Variants in PHF2 observed in about 807,000 individuals in gnomAD.
PHF2 encodes PHD finger protein 2, also known as lysine-specific demethylase PHF2.
A neutral mutation model predicts 120.5 loss-of-function variants in PHF2; 27 were observed. The ratio of observed to expected loss-of-function variants is 0.22; its 90% CI spans 0.17 to 0.31. The LOEUF is 0.31. Among genes scored for constraint, PHF2 ranks in the 10% least tolerant of loss-of-function variants. The pLI is 1.00. For missense variants in PHF2, 1,024 were observed against 1,434.8 expected, an observed-to-expected ratio of 0.71 and a Z score of 4.63; for synonymous variants, 568 against 592.5, an observed-to-expected ratio of 0.96 and a Z score of 0.60.
chr9:93,669,202 C>A (rs1381703942), intron 17 of PHF2, among the ~76,000 whole-genome samples: 1 of 152,246 alleles, frequency 6.6e-6, no homozygotes, highest in Non-Finnish European at 1.5e-5. Context: ...ACCCCCCAGC[C>A]CCCCGTGGCT....
intron 1 of PHF2, among the ~76,000 whole-genome samples, chr9:93,619,722 C>G (rs1028557962): frequency 6.6e-6 from 1 of 152,222 alleles, no homozygotes; most frequent in African/African-American, 2.4e-5. Flanking sequence ...CCTGTTGCGG[C>G]CCCTGAAGTT....
chr9:93,660,235 C>T lies in PHF2; in HGVS notation c.1373C>T (p.Ser458Leu), dbSNP rs761783975. 1.9e-5 allele frequency: 30 copies of T among 1,596,630 alleles called. No homozygotes were observed. The highest frequency in any genetic ancestry group is 3.4e-4 in the Middle Eastern group (2 of 5,960). Reference sequence around the variant, plus strand: ...CGACCGGAAGTGAATACTGTCGCCTCGTCAGATGAGGTGTGTGACGGGGAC... The same window carrying T: ...CGACCGGAAGTGAATACTGTCGCCTTGTCAGATGAGGTGTGTGACGGGGAC... ...AVRPEVNTVA[S>L]SDEVCDGDRE... The change falls in exon 12 of 22, where the codon TCG (serine) becomes TTG (leucine). Residue 458 changes from serine (S) to leucine (L), a missense_variant. By Grantham distance (145) the Ser-to-Leu change is moderately radical. Around this residue, in one of 2 missense-constraint regions of PHF2, gnomAD observed 677 missense variants for 857.4 expected, o/e 0.79. Transcript: ENST00000359246.
intron 5 of PHF2, 49 bp from the exon 6 acceptor site, chr9:93,653,130 A>G (rs3750353): frequency 0.015 from 22,993 of 1,560,284 alleles, 560 homozygotes; most frequent in East Asian, 0.11. Flanking sequence ...CAGGGGAAAT[A>G]AAAAAGGGAG....
intron 18 of PHF2, among the ~76,000 whole-genome samples, chr9:93,674,333 TC>T (rs1253814241): frequency 4.0e-5 from 6 of 151,884 alleles, no homozygotes; most frequent in Non-Finnish European, 7.4e-5. Context: ...CCCTACAGTG[TC>T]CCCTCCACCT....
At chr9:93,605,543 T>G (rs1025616549) in intron 1 of PHF2, among the ~76,000 whole-genome samples, 1 of 152,238 alleles carries the variant, frequency 6.6e-6, no homozygotes, top group Admixed American at 6.5e-5. Context: ...TAACCACTGA[T>G]GTTTTTACTG....
At chr9:93,595,585 G>A (rs1216028377) in intron 1 of PHF2, among the ~76,000 whole-genome samples, 2 of 152,254 alleles carry the variant, frequency 1.3e-5, no homozygotes, top group Non-Finnish European at 1.5e-5. Context: ...ATATGTCTGA[G>A]CGTTGTGCAT....
chr9:93,602,956 T>C (rs1404113172), intron 1 of PHF2, among the ~76,000 whole-genome samples: 2 of 151,880 alleles, frequency 1.3e-5, no homozygotes, highest in Non-Finnish European at 2.9e-5. Context: ...GGTCTCAGGA[T>C]ACAGCAGGGC....
chr9:93,654,365 C>G (rs758423752), intron 6 of PHF2, 48 bp from the exon 7 acceptor site: 78 of 1,586,028 alleles, frequency 4.9e-5, no homozygotes, highest in Non-Finnish European at 6.4e-5. Flanking sequence ...GCACCCCCGA[C>G]CCCCGCATCC....
chr9:93,624,165 G>T (rs796226740), intron 1 of PHF2, among the ~76,000 whole-genome samples: 1 of 152,206 alleles, frequency 6.6e-6, no homozygotes, highest in Non-Finnish European at 1.5e-5. Context: ...TCCCATTATT[G>T]CAGGGTTGTT....
chr9:93,676,000 C>T (rs886715453), intron 20 of PHF2, among the ~76,000 whole-genome samples: 7 of 152,208 alleles, frequency 4.6e-5, no homozygotes, highest in Non-Finnish European at 8.8e-5. Context: ...TAGGAATTGA[C>T]GACTGGGGCC....
At chr9:93,665,013 A>G (rs1587716648) in intron 14 of PHF2, among the ~76,000 whole-genome samples, 4 of 152,322 alleles carry the variant, frequency 2.6e-5, no homozygotes, top group Middle Eastern at 6.8e-3. Context: ...CCCTGCTACT[A>G]TATAGAGAGA....
chr9:93,631,898 G>A (rs1479159771), intron 2 of PHF2, among the ~76,000 whole-genome samples: 1 of 152,110 alleles, frequency 6.6e-6, no homozygotes, highest in Non-Finnish European at 1.5e-5. Context: ...AGAAAAGAAA[G>A]TGTCAGAAAC....
intron 7 of PHF2, among the ~76,000 whole-genome samples, chr9:93,655,692 C>T (rs542266403): frequency 6.6e-6 from 1 of 152,364 alleles, no homozygotes; most frequent in African/African-American, 2.4e-5. Context: ...GCCTCTCCCC[C>T]GACCCCCTTC....
At chr9:93,585,641 A>G (rs997101877) in intron 1 of PHF2, among the ~76,000 whole-genome samples, 1 of 152,260 alleles carries the variant, frequency 6.6e-6, no homozygotes, top group Non-Finnish European at 1.5e-5. Context: ...CTCTGGGACC[A>G]GGATCTGACC....
At position 93,676,685 on chromosome 9, in the gene PHF2, G is replaced by A. The variant is rs2118164359; in HGVS notation, c.2924G>A (p.Gly975Asp). 6.4e-7 allele frequency: 1 copy of A among 1,570,340 alleles called. No homozygotes were observed. The highest frequency in any genetic ancestry group is 8.6e-7 in the Non-Finnish European group (1 of 1,158,366). The part of the protein sequence containing the change: ...SPSTSTSISA[G>D]TTSTSTTPAS... ...TCCACCTCCACCTCCATCTCTGCCG[G>A]CACCACCTCCACCTCCACCACGCCA... The change falls in exon 21 of 22, where the codon GGC (glycine) becomes GAC (aspartate). Residue 975 changes from glycine (G) to aspartate (D), a missense_variant. Gly to Asp is a moderately conservative substitution (Grantham distance 94, BLOSUM62 -1). Around this residue, in one of 2 missense-constraint regions of PHF2, gnomAD observed 677 missense variants for 857.4 expected, o/e 0.79. Transcript: ENST00000359246.
intron 1 of PHF2, among the ~76,000 whole-genome samples, chr9:93,603,996 C>T (rs1291883952): frequency 3.3e-5 from 5 of 152,216 alleles, no homozygotes; most frequent in African/African-American, 9.6e-5. Flanking sequence ...AGTCAGGAGA[C>T]GGCAGTGTGT....
At position 93,657,780 on chromosome 9, in the gene PHF2, G is replaced by A. The variant is rs150523144; in HGVS notation, c.1148-365G>A. Among the ~76,000 whole-genome samples, 53 of 152,344 alleles carry A rather than the reference G, an allele frequency of 3.5e-4. No individual in the cohort carries two copies. The East Asian group carries it at 0.01, about 29-fold the overall frequency. On this transcript the variant is annotated intron_variant, in intron 9 of 21. Transcript: ENST00000359246. ...GAGGTGGGAAGAGATGCTTGGGGAT[G>A]CCTGGTGTGGGCCCATGGACAGCCT...
chr9:93,633,573 G>A (rs147841871), intron 2 of PHF2, among the ~76,000 whole-genome samples: 1 of 152,316 alleles, frequency 6.6e-6, no homozygotes, highest in East Asian at 1.9e-4. Context: ...GGGATAGGGC[G>A]CCCCATGCTG....
chr9:93,655,955 C>G lies in PHF2; in HGVS notation c.974C>G (p.Thr325Ser), dbSNP rs781473478. 1.9e-6 allele frequency: 3 copies of G among 1,612,534 alleles called. No individual in the cohort carries two copies. The highest frequency in any genetic ancestry group is 1.7e-6 in the Non-Finnish European group (2 of 1,179,624). The change falls in exon 8 of 22, where the codon ACC becomes AGC. Residue 325 changes from threonine (T) to serine (S), a missense_variant. Physicochemically the swap from Thr to Ser is moderately conservative, Grantham distance 58. Around this residue, in one of 2 missense-constraint regions of PHF2, gnomAD observed 347 missense variants for 577.4 expected, o/e 0.60. Coordinates refer to ENST00000359246, the MANE Select transcript of PHF2 (RefSeq NM_005392.4). ...CCAGGCTGGATCTACGCCACACTCA[C>G]CCCTGTGGACTGCCTGGCCTTCGCG... ...IPSGWIYATLTPVDCLAFAGH... is the reference protein window; with the variant it reads ...IPSGWIYATLSPVDCLAFAGH...
Sources: gnomAD v4.1 joint callset for allele counts (sites outside exome capture counted in the v4.1 genomes callset) on GRCh38, gnomAD v4.1.1 for gene constraint, gnomAD v4.1.1 regional missense constraint, MANE v1.5 for transcripts, NCBI Gene and HGNC (gene_info 2026-07-23, HGNC 2026-07-21) for gene names.